LRRC8B: variants seen among roughly 807,000 people sequenced by gnomAD.
The protein encoded by LRRC8B is leucine rich repeat containing 8 VRAC subunit B.
In LRRC8B, 23 loss-of-function variants were observed where a neutral mutation model predicts 58.8. The observed-to-expected ratio is 0.39, with a 90% confidence interval of 0.28 to 0.55. LRRC8B has a LOEUF of 0.55. Among genes scored for constraint, LRRC8B ranks in the 20% least tolerant of loss-of-function variants. The pLI is 0.62. For synonymous variants in LRRC8B, 359 were observed against 374.1 expected (o/e 0.96, Z 0.47); for missense variants, 694 against 936.0 (o/e 0.74, Z 3.37).
In LRRC8B at chr1:89,584,047, A is replaced by G. The variant is rs541926397; in HGVS notation, c.1397A>G (p.Lys466Arg). 3.1e-6 allele frequency: 5 copies of G among 1,614,172 alleles called. No homozygotes were observed. Among genetic ancestry groups the G allele is most frequent in the Admixed American group, 3.3e-5 (2 of 60,022 alleles). Residue 466 changes from lysine (K) to arginine (R), a missense_variant, in exon 5 of 6, where the codon AAG becomes AGG. This residue lies in a region of LRRC8B where 162 missense variants were observed against 198.5 expected (regional missense o/e 0.82). Coordinates refer to ENST00000330947, the MANE Select transcript of LRRC8B (RefSeq NM_001369817.2). ...GCAGTCTCACAGCTGGTCAACCTCA[A>G]GGAGCTTCGTGTGTACCATTCATCT... ...PSAVSQLVNL[K>R]ELRVYHSSLV...
At position 89,583,475 on chromosome 1, in the gene LRRC8B, T is replaced by C. The variant is rs1227511223; in HGVS notation, c.825T>C (p.Tyr275=). 8 of 1,613,974 alleles carry C rather than the reference T, an allele frequency of 5.0e-6. No individual in the cohort carries two copies. Among genetic ancestry groups the C allele is most frequent in the East Asian group, 4.5e-5 (2 of 44,898 alleles). ...TTTTGTTTGTGCTCATCATAACTTA[T>C]GTTCCATATTTTTTAACCCACATCA... ...KVILFVLIIT[Y]VPYFLTHITL... is the part of the protein sequence containing the mutation. The change falls in exon 5 of 6, where the codon TAT becomes TAC. Residue 275 remains tyrosine, a synonymous_variant. Transcript: ENST00000330947. The surrounding 1 kb of genome is among the most constrained non-coding windows in gnomAD (Gnocchi z 5.2).
rs1324077960 is a variant in LRRC8B at position 89,584,003 on chromosome 1, A to C, written c.1353A>C (p.Pro451=). The C allele has an allele frequency of 1.9e-6, 3 of 1,614,226 alleles. No individual in the cohort carries two copies. Among genetic ancestry groups the C allele is most frequent in the Admixed American group, 3.3e-5 (2 of 60,026 alleles). Residue 451 remains proline, a synonymous_variant, in exon 5 of 6, where the codon CCA becomes CCC. Transcript: ENST00000330947. Reference sequence around the variant, plus strand: ...AAGTGCTAAGCCTGGAGCTTATCCCAGAGGTGAAGCTGCCCTCTGCAGTCT... The same window carrying C: ...AAGTGCTAAGCCTGGAGCTTATCCCCGAGGTGAAGCTGCCCTCTGCAGTCT... ...EMEVLSLELI[P]EVKLPSAVSQ... is the part of the protein sequence containing the mutation.
intron 1 of LRRC8B, among the ~76,000 whole-genome samples, chr1:89,535,570 C>T (rs1045148477): frequency 6.6e-6 from 1 of 152,126 alleles, no homozygotes; most frequent in African/African-American, 2.4e-5. Flanking sequence ...TATAAATATA[C>T]CTAGTAGAAA....
intron 5 of LRRC8B, among the ~76,000 whole-genome samples, 192 bp from the exon 6 acceptor site, chr1:89,592,579 A>T (rs542277721): frequency 6.6e-6 from 1 of 151,302 alleles, no homozygotes; most frequent in East Asian, 1.9e-4. Context: ...CACAGTCCTC[A>T]CTCCTCATTG....
At chr1:89,527,432 T>A (rs1224711702) in intron 1 of LRRC8B, among the ~76,000 whole-genome samples, 6 of 152,238 alleles carry the variant, frequency 3.9e-5, no homozygotes, top group African/African-American at 1.4e-4. Context: ...TGATTTGCAT[T>A]GCCTTGCATG....
At chr1:89,532,751 C>T (rs1171153119) in intron 1 of LRRC8B, among the ~76,000 whole-genome samples, 2 of 152,130 alleles carry the variant, frequency 1.3e-5, no homozygotes, top group Non-Finnish European at 2.9e-5. Flanking sequence ...GACTAATACA[C>T]CAATTAGTCA....
chr1:89,538,015 C>A (rs1650661788), intron 1 of LRRC8B, among the ~76,000 whole-genome samples: 1 of 152,198 alleles, frequency 6.6e-6, no homozygotes, highest in South Asian at 2.1e-4. Context: ...AGACATGCAT[C>A]ATTTTTATTT....
chr1:89,566,359 T>C (rs1459836031), intron 1 of LRRC8B, among the ~76,000 whole-genome samples: 1 of 152,254 alleles, frequency 6.6e-6, no homozygotes, highest in Non-Finnish European at 1.5e-5. Context: ...GATGTTCTTT[T>C]TTTAAATCCA....
chr1:89,564,977 A>G (rs1377027824), intron 1 of LRRC8B, among the ~76,000 whole-genome samples: 1 of 152,204 alleles, frequency 6.6e-6, no homozygotes, highest in Admixed American at 6.5e-5. Context: ...GTTATAGCAG[A>G]TGTAGCATTA....
chr1:89,594,262 CA>C lies in LRRC8B; in HGVS notation c.*1223del. 1 of 152,090 alleles carries C rather than the reference CA, an allele frequency of 6.6e-6. No homozygotes were observed. Among genetic ancestry groups the C allele is most frequent in the Non-Finnish European group, 1.5e-5 (1 of 68,006 alleles). The allele number at this position is 152,090 out of a possible 1,614,324, so 9.4% of individuals were successfully genotyped here. ...ACTCATGTTTATGTACATTCTGCTC[CA>C]AAATGTTTTTGTACTCTGCAACTAA... is the stretch of plus-strand genomic sequence containing the variant. On this transcript the variant is annotated 3_prime_UTR_variant, in exon 6 of 6. Coordinates refer to ENST00000330947, the MANE Select transcript of LRRC8B (RefSeq NM_001369817.2).
In LRRC8B at chr1:89,545,677, A is replaced by G. The variant is rs1651346322; in HGVS notation, c.-241+20655A>G. Among the ~76,000 whole-genome samples, 3 of 152,212 alleles carry G rather than the reference A, an allele frequency of 2.0e-5. No individual in the cohort carries two copies. In the South Asian group the frequency reaches 6.2e-4, roughly 32 times the overall value. On this transcript the variant is annotated intron_variant, in intron 1 of 5. Transcript: ENST00000330947. ...ATTCTTGCACTATATGTATGGTGAG[A>G]GAGGTTTCCTGCTTTCAAGGCCAAT...
intron 1 of LRRC8B, among the ~76,000 whole-genome samples, chr1:89,543,003 G>T (rs1171061954): frequency 6.6e-6 from 1 of 152,198 alleles, no homozygotes; most frequent in Non-Finnish European, 1.5e-5. Flanking sequence ...AATTTTTAAA[G>T]TAGGGTCAAA....
chr1:89,542,150 A>G (rs971773033), intron 1 of LRRC8B, among the ~76,000 whole-genome samples: 2 of 152,194 alleles, frequency 1.3e-5, no homozygotes, highest in African/African-American at 4.8e-5. Flanking sequence ...TCTTGCTTTC[A>G]TGACATCTTG....
chr1:89,582,951 C>T lies in LRRC8B; in HGVS notation c.301C>T (p.Gln101Ter). The change falls in exon 5 of 6, where the codon CAG (glutamine) becomes TAG (stop). Residue 101 changes from glutamine (Q) to a stop codon, truncating the protein, a stop_gained. Coordinates refer to ENST00000330947, the MANE Select transcript of LRRC8B (RefSeq NM_001369817.2). LOFTEE classifies it high-confidence loss of function. ...AATTCAGAATGACCTCCACCGACAGCAGTACTCCTATATTGATGCCGTCTG... is the reference window on the plus strand; with the variant it reads ...AATTCAGAATGACCTCCACCGACAGTAGTACTCCTATATTGATGCCGTCTG... ...LRIQNDLHRQ[Q>*]YSYIDAVCYE... 1 of 1,614,222 alleles carries T rather than the reference C, an allele frequency of 6.2e-7. No individual in the cohort carries two copies. The highest frequency in any genetic ancestry group is 8.5e-7 in the Non-Finnish European group (1 of 1,180,048).
At chr1:89,577,186 G>A (rs2031119) in intron 3 of LRRC8B, among the ~76,000 whole-genome samples, 60,339 of 151,960 alleles carry the variant, frequency 0.4, 13,455 homozygotes, top group South Asian at 0.55. Context: ...TTGAAGTAGC[G>A]TCCTCTTCTC....
chr1:89,530,663 A>C (rs1650057489), intron 1 of LRRC8B, among the ~76,000 whole-genome samples: 1 of 152,238 alleles, frequency 6.6e-6, no homozygotes, highest in Non-Finnish European at 1.5e-5. Context: ...CGCATAAAGC[A>C]GCAGTGGAAA....
At position 89,582,617 on chromosome 1, in the gene LRRC8B, T is replaced by A; in HGVS notation, c.-26-8T>A. On this transcript the variant is annotated splice_polypyrimidine_tract_variant and splice_region_variant and intron_variant, in intron 4 of 5. Coordinates refer to ENST00000330947, the MANE Select transcript of LRRC8B (RefSeq NM_001369817.2). ...TTCAGTAGTGTTTCTTTTATTTCCC[T>A]CTTCCAGTTTCTGTCCTCCTACAAG... 1 of 1,493,994 alleles carries A rather than the reference T, an allele frequency of 6.7e-7. No homozygotes were observed. Among genetic ancestry groups the A allele is most frequent in the Non-Finnish European group, 9.3e-7 (1 of 1,077,612 alleles). 92.5% of individuals were successfully genotyped at this position (1,493,994 alleles called of 1,614,324 possible). A position where few individuals can be genotyped will look rare whatever the true frequency, so the allele number is the denominator to read the frequency against.
At chr1:89,537,855 C>G (rs934180947) in intron 1 of LRRC8B, among the ~76,000 whole-genome samples, 1 of 152,210 alleles carries the variant, frequency 6.6e-6, no homozygotes, top group Non-Finnish European at 1.5e-5. Flanking sequence ...AGGGTACCAT[C>G]TATAAGGAAC....
At position 89,595,469 on chromosome 1, in the gene LRRC8B, CTCCA is replaced by C. The variant is rs754335027; in HGVS notation, c.*2428_*2431del. 52 of 152,136 alleles carry C rather than the reference CTCCA, an allele frequency of 3.4e-4. No homozygotes were observed. Among genetic ancestry groups the C allele is most frequent in the Non-Finnish European group, 6.5e-4 (44 of 67,986 alleles). The allele number at this position is 152,136 out of a possible 1,614,324, so 9.4% of individuals were successfully genotyped here. A position where few individuals can be genotyped will look rare whatever the true frequency, so the allele number is the denominator to read the frequency against. Reference sequence around the variant, plus strand: ...TTGCTACCATTCACCTGACGAACTTCTCCATGGCTCGTCACTGGTTTGGTTCAAC... The same window carrying C: ...TTGCTACCATTCACCTGACGAACTTCTGGCTCGTCACTGGTTTGGTTCAAC... On this transcript the variant is annotated 3_prime_UTR_variant, in exon 6 of 6. Coordinates refer to ENST00000330947, the MANE Select transcript of LRRC8B (RefSeq NM_001369817.2).
Sources: allele counts gnomAD v4.1 joint callset (sites outside exome capture counted in the v4.1 genomes callset), GRCh38; gene constraint gnomAD v4.1.1; regional missense constraint gnomAD v4.1.1; non-coding constraint Gnocchi (gnomAD v3.1); transcripts MANE v1.5; gene names NCBI Gene and HGNC (gene_info 2026-07-23, HGNC 2026-07-21).